CSNK1G2: variants seen among roughly 807,000 people sequenced by gnomAD.
The protein encoded by CSNK1G2 is casein kinase I isoform gamma-2.
A neutral mutation model predicts 48.0 loss-of-function variants in CSNK1G2; 11 were observed. That is an observed-to-expected ratio of 0.23 (90% CI 0.14 to 0.38). The LOEUF is 0.38. CSNK1G2 is among the 10% of genes least tolerant of loss of function. The pLI, the probability that CSNK1G2 is intolerant of heterozygous loss-of-function variation, is 1.00. For missense variants in CSNK1G2, 446 were observed against 595.5 expected (o/e 0.75, Z 2.61); for synonymous variants, 337 against 254.1 (o/e 1.33, Z -3.10).
At chr19:1,949,472 C>T (rs2014685815) in intron 1 of CSNK1G2, among the ~76,000 whole-genome samples, 2 of 152,226 alleles carry the variant, frequency 1.3e-5, no homozygotes, top group South Asian at 2.1e-4. Context: ...GGCCCGCGTC[C>T]GAGTCTCGCT....
At position 1,979,735 on chromosome 19, in the gene CSNK1G2, TG is replaced by T; in HGVS notation, c.1003-16del. 6.2e-7 allele frequency: 1 copy of T among 1,604,736 alleles called. No homozygotes were observed. Among genetic ancestry groups the T allele is most frequent in the Non-Finnish European group, 8.5e-7 (1 of 1,179,528 alleles). ...CGGCGCTGCAGCCCATCCTGACCCC[TG>T]CTCCCTCACCCACAGCCGACCCCCA... On this transcript the variant is annotated splice_polypyrimidine_tract_variant and intron_variant, in intron 9 of 11. Transcript: ENST00000255641.
intron 1 of CSNK1G2, among the ~76,000 whole-genome samples, chr19:1,944,580 G>A (rs1043469040): frequency 3.3e-5 from 5 of 152,042 alleles, no homozygotes; most frequent in East Asian, 1.9e-4. Context: ...GGGCCTCACC[G>A]CCTTCCCCAT....
chr19:1,956,524 A>G (rs113716577), intron 1 of CSNK1G2, among the ~76,000 whole-genome samples: 1 of 152,180 alleles, frequency 6.6e-6, no homozygotes, highest in Non-Finnish European at 1.5e-5. Flanking sequence ...CTCAAAAAAC[A>G]AAAGACCACG....
intron 1 of CSNK1G2, among the ~76,000 whole-genome samples, chr19:1,949,985 G>C (rs1374822303): frequency 6.6e-6 from 1 of 152,228 alleles, no homozygotes; most frequent in Non-Finnish European, 1.5e-5. Flanking sequence ...TGCTGCCCGT[G>C]ACCTTCGCCA....
intron 1 of CSNK1G2, among the ~76,000 whole-genome samples, chr19:1,967,624 A>T (rs2015405450): frequency 6.6e-6 from 1 of 151,990 alleles, no homozygotes; most frequent in Admixed American, 6.6e-5. Flanking sequence ...GCACCACCCG[A>T]GCGTCCAGTT....
chr19:1,947,778 G>A (rs565326384), intron 1 of CSNK1G2, among the ~76,000 whole-genome samples: 38 of 152,354 alleles, frequency 2.5e-4, no homozygotes, highest in Admixed American at 2.4e-3. Flanking sequence ...TGTGCGTGCT[G>A]TGCCATCACG....
intron 1 of CSNK1G2, among the ~76,000 whole-genome samples, chr19:1,941,706 C>G (rs1038827791): frequency 2.7e-5 from 4 of 149,970 alleles, no homozygotes; most frequent in Admixed American, 2.7e-4. Context: ...CACAGCCCCA[C>G]GCTGACCTCC....
In CSNK1G2 at chr19:1,979,772, C is replaced by T. The variant is rs139773586; in HGVS notation, c.1023C>T (p.Val341=). The change falls in exon 10 of 12, where the codon GTC becomes GTT. Residue 341 remains valine, a synonymous_variant. Transcript: ENST00000255641. ...GKPLPTPIGT[V]HTDLPSQPQL... ...CACAGCCGACCCCCATCGGCACCGT[C>T]CACACCGACCTGCCCTCCCAGCCTC... 1.2e-6 allele frequency: 2 copies of T among 1,606,904 alleles called. No individual in the cohort carries two copies. The highest frequency in any genetic ancestry group is 3.3e-5 in the Admixed American group (2 of 59,754).
intron 1 of CSNK1G2, among the ~76,000 whole-genome samples, chr19:1,948,814 G>T (rs2014663272): frequency 6.6e-6 from 1 of 152,224 alleles, no homozygotes; most frequent in African/African-American, 2.4e-5. Context: ...CTGGTGACCA[G>T]AGGCCTCGGG....
At chr19:1,960,829 C>T (rs1013536131) in intron 1 of CSNK1G2, among the ~76,000 whole-genome samples, 24 of 152,162 alleles carry the variant, frequency 1.6e-4, no homozygotes, top group Admixed American at 5.2e-4. Flanking sequence ...GCGGAGGCTG[C>T]GGTGAGCCGA....
At chr19:1,973,544 A>AC (rs1444150028) in intron 2 of CSNK1G2, among the ~76,000 whole-genome samples, 1 of 152,168 alleles carries the variant, frequency 6.6e-6, no homozygotes, top group African/African-American at 2.4e-5. Context: ...TCTGCGTGTG[A>AC]CAGGAGTGCT....
rs1308119395 is a variant in CSNK1G2 at position 1,979,824 on chromosome 19, A to G, written c.1075A>G (p.Ser359Gly). The change falls in exon 10 of 12, where the codon AGC becomes GGC. Residue 359 changes from serine (S) to glycine (G), a missense_variant. Ser to Gly is a moderately conservative substitution (Grantham distance 56). Coordinates refer to ENST00000255641, the MANE Select transcript of CSNK1G2 (RefSeq NM_001319.7). ...PQLRDKTQPH[S>G]KNQALNSTNG... ...GCTCCGGGACAAAACCCAGCCGCAC[A>G]GCAAAAACCAGGTGAGGCCCGGGCG... is the stretch of plus-strand genomic sequence containing the variant. The G allele has an allele frequency of 6.2e-7, 1 of 1,606,586 alleles. No individual in the cohort carries two copies. The highest frequency in any genetic ancestry group is 8.5e-7 in the Non-Finnish European group (1 of 1,177,364).
At chr19:1,943,824 G>C (rs781571278) in intron 1 of CSNK1G2, among the ~76,000 whole-genome samples, 5 of 152,222 alleles carry the variant, frequency 3.3e-5, no homozygotes, top group Non-Finnish European at 7.3e-5. Flanking sequence ...ACCCCCCACC[G>C]AGCTGCCCCA....
intron 1 of CSNK1G2, among the ~76,000 whole-genome samples, chr19:1,943,339 T>A (rs1365352139): frequency 6.6e-6 from 1 of 152,158 alleles, no homozygotes; most frequent in Non-Finnish European, 1.5e-5. Flanking sequence ...CCTCATTGCC[T>A]GGGCTCTGGG....
intron 1 of CSNK1G2, 80 bp downstream of exon 1, chr19:1,941,498 C>T (rs2014358762): frequency 7.0e-6 from 1 of 142,446 alleles, no homozygotes. Context: ...CCCGGCGCCC[C>T]CGCCCCCACA....
chr19:1,972,930 G>GTT (rs34612691), intron 2 of CSNK1G2, among the ~76,000 whole-genome samples: 12 of 128,158 alleles, frequency 9.4e-5, no homozygotes, highest in Non-Finnish European at 1.0e-4. Flanking sequence ...CGCCTGCTTT[G>GTT]TTTTTTTTTT....
At chr19:1,972,704 C>T (rs1160348553) in intron 2 of CSNK1G2, among the ~76,000 whole-genome samples, 4 of 151,934 alleles carry the variant, frequency 2.6e-5, no homozygotes, top group Non-Finnish European at 4.4e-5. Flanking sequence ...CTCACCACAA[C>T]CTCTGCCTCT....
At chr19:1,965,958 G>C (rs2015353227) in intron 1 of CSNK1G2, among the ~76,000 whole-genome samples, 1 of 151,968 alleles carries the variant, frequency 6.6e-6, no homozygotes. Context: ...CGCCATGACT[G>C]GCTAATTTTG....
rs1404255994 is a variant in CSNK1G2 at position 1,978,812 on chromosome 19, C to T, written c.448-47C>T. 8 of 1,584,918 alleles carry T rather than the reference C, an allele frequency of 5.0e-6. No homozygotes were observed. In the African/African-American group the frequency reaches 5.4e-5, roughly 11 times the overall value. On this transcript the variant is annotated intron_variant, in intron 5 of 11. Transcript: ENST00000255641. The surrounding 1 kb of genome is among the most constrained non-coding windows in gnomAD (Gnocchi z 7.3). ...AAGAGGGTGGCCCTGGAGGGGAGCG[C>T]GTGGGACGGGGAGGGGCCCGGCCGA... is the stretch of plus-strand genomic sequence containing the variant.
Sources: gnomAD v4.1 joint callset for allele counts (sites outside exome capture counted in the v4.1 genomes callset) on GRCh38, gnomAD v4.1.1 for gene constraint, Gnocchi (gnomAD v3.1) non-coding constraint, MANE v1.5 for transcripts, NCBI Gene and HGNC (gene_info 2026-07-23, HGNC 2026-07-21) for gene names.